NCOA1: variants seen among roughly 807,000 people sequenced by gnomAD.
NCOA1 encodes nuclear receptor coactivator 1.
In NCOA1, 35 loss-of-function variants were observed where a neutral mutation model predicts 150.9. That is an observed-to-expected ratio of 0.23 (90% confidence interval 0.18 to 0.31). The LOEUF is 0.31. Among genes scored for constraint, NCOA1 ranks in the 10% least tolerant of loss-of-function variants. The pLI is 1.00. For missense variants in NCOA1, 1,491 were observed against 1,749.3 expected, an observed-to-expected ratio of 0.85 and a Z score of 2.63; for synonymous variants, 590 against 630.0, an observed-to-expected ratio of 0.94 and a Z score of 0.95.
Position 24,500,096 on chromosome 2 carries a change from CTTTT to C in NCOA1, c.-396+8498_-396+8501del, listed in dbSNP as rs1354649925. 1.6e-3 allele frequency among the ~76,000 whole-genome samples: 235 copies of C among 150,716 alleles called. 2 individuals are homozygous for C. Among genetic ancestry groups the C allele is most frequent in the Non-Finnish European group, 2.4e-3 (163 of 67,326 alleles). ...CCAGGCACTTTTAGCCCGGTAGTTT[CTTTT>C]TTTCTTTCTTTCTTTCTTTTTTTTT... is the stretch of plus-strand genomic sequence containing the variant. On this transcript the variant is annotated intron_variant, in intron 1 of 22. Transcript: ENST00000348332.
At chr2:24,568,826 G>A (rs1403545886) in intron 2 of NCOA1, among the ~76,000 whole-genome samples, 1 of 152,202 alleles carries the variant, frequency 6.6e-6, no homozygotes, top group South Asian at 2.1e-4. Flanking sequence ...CCAGTATTTT[G>A]TTTTTCAGCT....
chr2:24,576,170 G>GTTTTTGTTTGT (rs1666967476), intron 2 of NCOA1, among the ~76,000 whole-genome samples: 1 of 46,330 alleles, frequency 2.2e-5, no homozygotes, highest in African/African-American at 6.4e-5. Context: ...TTTGTTTTTT[G>GTTTTTGTTTGT]TTTTTTTTTT....
At position 24,494,723 on chromosome 2, in the gene NCOA1, A is replaced by G. The variant is rs140064201; in HGVS notation, c.-396+3121A>G. 2.5e-3 allele frequency among the ~76,000 whole-genome samples: 379 copies of G among 152,226 alleles called. 1 individual carries two copies. Among genetic ancestry groups the G allele is most frequent in the Non-Finnish European group, 4.3e-3 (294 of 68,014 alleles). On this transcript the variant is annotated intron_variant, in intron 1 of 22. Coordinates refer to ENST00000348332, the MANE Select transcript of NCOA1 (RefSeq NM_003743.5). ...GTCGGTGTGGGCTCGGGTGAAATCC[A>G]TGTGTTTCAGGAGGTGGATGTCAGA...
intron 1 of NCOA1, among the ~76,000 whole-genome samples, chr2:24,537,090 A>G (rs191813459): frequency 7.7e-4 from 117 of 152,176 alleles, no homozygotes; most frequent in Non-Finnish European, 1.4e-3. Flanking sequence ...TCGTCCATGT[A>G]ACCCCAAACC....
At chr2:24,721,140 T>A (rs1019947338) in intron 14 of NCOA1, among the ~76,000 whole-genome samples, 2 of 152,230 alleles carry the variant, frequency 1.3e-5, no homozygotes, top group Non-Finnish European at 2.9e-5. Context: ...GCTATGTCCA[T>A]CCTGCCCTTC....
At chr2:24,652,856 A>G (rs968412881) in intron 4 of NCOA1, among the ~76,000 whole-genome samples, 3 of 151,278 alleles carry the variant, frequency 2.0e-5, no homozygotes, top group African/African-American at 7.3e-5. Flanking sequence ...TTTCTTAATG[A>G]TTCTTATTTA....
rs969613254 is a variant in NCOA1, at chr2:24,763,335, T to C, written c.4155+559T>C. Among the ~76,000 whole-genome samples the C allele has an allele frequency of 2.6e-5, 4 of 151,770 alleles. 1 individual carries two copies. The highest frequency in any genetic ancestry group is 4.2e-4 in the South Asian group (2 of 4,796). ...CGGGCGGATCACAAGGTCAGGAGAT[T>C]AAGACCATCCTGGCTAACATGGTGA... On this transcript the variant is annotated intron_variant, in intron 22 of 22. Coordinates refer to ENST00000348332, the MANE Select transcript of NCOA1 (RefSeq NM_003743.5).
At chr2:24,642,775 C>A (rs1246261840) in intron 3 of NCOA1, among the ~76,000 whole-genome samples, 1 of 152,064 alleles carries the variant, frequency 6.6e-6, no homozygotes, top group Non-Finnish European at 1.5e-5. Flanking sequence ...CACAACTGTA[C>A]CATGGAGCAA....
chr2:24,573,404 CTT>C (rs1335180637), intron 2 of NCOA1, among the ~76,000 whole-genome samples: 4 of 152,180 alleles, frequency 2.6e-5, no homozygotes, highest in African/African-American at 4.8e-5. Flanking sequence ...AAGAAACACT[CTT>C]TGGTTGACCT....
At chr2:24,497,318 C>T (rs1181413024) in intron 1 of NCOA1, among the ~76,000 whole-genome samples, 3 of 151,748 alleles carry the variant, frequency 2.0e-5, no homozygotes, top group Non-Finnish European at 2.9e-5. Flanking sequence ...GAGACTCCTG[C>T]AGTCTTGTTC....
chr2:24,710,449 T>C (rs1673691443), intron 13 of NCOA1, among the ~76,000 whole-genome samples: 1 of 152,186 alleles, frequency 6.6e-6, no homozygotes, highest in South Asian at 2.1e-4. Context: ...GAAGTAACCA[T>C]TGTGATATCT....
intron 1 of NCOA1, among the ~76,000 whole-genome samples, chr2:24,503,223 G>A (rs1663539863): frequency 6.6e-6 from 1 of 152,118 alleles, no homozygotes; most frequent in African/African-American, 2.4e-5. Context: ...TTGGAAATCT[G>A]GTATTGCTTG....
chr2:24,569,552 A>ATTTTTTTTTTTTTTTATTTTTT (rs1666649883), intron 2 of NCOA1, among the ~76,000 whole-genome samples: 1 of 93,794 alleles, frequency 1.1e-5, no homozygotes, highest in Non-Finnish European at 2.0e-5. Flanking sequence ...GGTTTTATTA[A>ATTTTTTTTTTTTTTTATTTTTT]TTTTTTTTTT....
intron 1 of NCOA1, among the ~76,000 whole-genome samples, chr2:24,553,451 T>G (rs1665949168): frequency 6.6e-6 from 1 of 152,092 alleles, no homozygotes; most frequent in African/African-American, 2.4e-5. Flanking sequence ...ACTGCTGACC[T>G]CAAGTGATCT....
chr2:24,528,714 T>C (rs1664754678), intron 1 of NCOA1, among the ~76,000 whole-genome samples: 1 of 152,176 alleles, frequency 6.6e-6, no homozygotes, highest in Non-Finnish European at 1.5e-5. Flanking sequence ...TGCAAAAGAA[T>C]GTATAAAACT....
intron 8 of NCOA1, among the ~76,000 whole-genome samples, chr2:24,686,143 A>C (rs754340681): frequency 6.6e-6 from 1 of 152,116 alleles, no homozygotes; most frequent in African/African-American, 2.4e-5. Flanking sequence ...CTGGGATTAC[A>C]TGTGCCCACC....
At chr2:24,753,156 G>A (rs546777101) in intron 20 of NCOA1, among the ~76,000 whole-genome samples, 19 of 152,044 alleles carry the variant, frequency 1.2e-4, no homozygotes, top group Non-Finnish European at 2.1e-4. Context: ...TGTAATACAA[G>A]AGGAATTTAG....
intron 3 of NCOA1, among the ~76,000 whole-genome samples, chr2:24,598,543 G>A (rs1667975775): frequency 6.6e-6 from 1 of 152,266 alleles, no homozygotes; most frequent in East Asian, 1.9e-4. Context: ...TATGCATGCT[G>A]TGCATATATG....
chr2:24,723,112 A>T (rs1674439279), intron 14 of NCOA1, among the ~76,000 whole-genome samples: 1 of 152,126 alleles, frequency 6.6e-6, no homozygotes, highest in South Asian at 2.1e-4. Flanking sequence ...TAAAATATAT[A>T]GTGAAAAATA....
Sources: gnomAD v4.1 joint callset for allele counts (sites outside exome capture counted in the v4.1 genomes callset) on GRCh38, gnomAD v4.1.1 for gene constraint, MANE v1.5 for transcripts, NCBI Gene and HGNC (gene_info 2026-07-23, HGNC 2026-07-21) for gene names.